The following EPB41L3 variants were observed in gnomAD, a reference collection of about 807,000 sequenced individuals.
EPB41L3 encodes the protein erythrocyte membrane protein band 4.1 like 3.
A neutral mutation model predicts 127.1 loss-of-function variants in EPB41L3; 57 were observed. The observed-to-expected ratio is 0.45, with a 90% CI of 0.36 to 0.56. The LOEUF (loss-of-function observed/expected upper bound fraction) is 0.56. EPB41L3 is among the 20% of genes least tolerant of loss of function. The pLI, the probability that EPB41L3 is intolerant of heterozygous loss-of-function variation, is 0.00. For synonymous variants in EPB41L3, 572 were observed against 549.5 expected, an observed-to-expected ratio of 1.04 and a Z score of -0.57; for missense variants, 1,273 against 1,372.2, an observed-to-expected ratio of 0.93 and a Z score of 1.14.
At chr18:5,473,505 A>T (rs1035014312) in intron 3 of EPB41L3, among the ~76,000 whole-genome samples, 1 of 151,358 alleles carries the variant, frequency 6.6e-6, no homozygotes. Flanking sequence ...CTAAAACAAA[A>T]TCATACTAGA....
Position 5,395,229 on chromosome 18 carries a change from T to C in EPB41L3, c.3073-82A>G, listed in dbSNP as rs2073170518. The C allele has an allele frequency of 4.4e-6, 5 of 1,128,528 alleles. No homozygotes were observed. The South Asian group carries it at 4.9e-5, about 11-fold the overall frequency. 69.9% of individuals were successfully genotyped at this position (1,128,528 alleles called of 1,614,324 possible). ...TTCAGTAGGGGGAAATGGCCGAAGATGCTGACATCATTCACTCTTCGAGAA... is the reference window on the plus strand; with the variant it reads ...TTCAGTAGGGGGAAATGGCCGAAGACGCTGACATCATTCACTCTTCGAGAA... On this transcript the variant is annotated intron_variant, in intron 20 of 22. Coordinates refer to ENST00000341928, the MANE Select transcript of EPB41L3 (RefSeq NM_012307.5).
intron 3 of EPB41L3, among the ~76,000 whole-genome samples, chr18:5,552,413 G>A (rs1246505681): frequency 6.6e-6 from 1 of 152,214 alleles, no homozygotes; most frequent in Admixed American, 6.5e-5. Context: ...TGTGTAATGT[G>A]TAGAAGTTAC....
chr18:5,485,270 C>CA (rs1460191904), intron 2 of EPB41L3, among the ~76,000 whole-genome samples: 1 of 151,766 alleles, frequency 6.6e-6, no homozygotes, highest in Non-Finnish European at 1.5e-5. Context: ...CAATAGATGT[C>CA]AAAAAAGCAT....
At chr18:5,610,729 G>A (rs2144025613) in intron 3 of EPB41L3, among the ~76,000 whole-genome samples, 1 of 152,260 alleles carries the variant, frequency 6.6e-6, no homozygotes, top group Non-Finnish European at 1.5e-5. Flanking sequence ...ACCCAGTTTA[G>A]TTGTGCTACC....
At chr18:5,563,307 A>G (rs1056107495) in intron 3 of EPB41L3, among the ~76,000 whole-genome samples, 2 of 152,208 alleles carry the variant, frequency 1.3e-5, no homozygotes, top group African/African-American at 4.8e-5. Context: ...TCAGGGGAGC[A>G]ACACAGTTCT....
rs900669181 is a variant in EPB41L3 at position 5,426,520 on chromosome 18, T to C, written c.1065+1793A>G. On this transcript the variant is annotated intron_variant, in intron 9 of 22. Coordinates refer to ENST00000341928, the MANE Select transcript of EPB41L3 (RefSeq NM_012307.5). ...CTTATCACATCATGTTTCTAAGTCG[T>C]TGAATTTCATTAAGAAATGTATCAT... Among the ~76,000 whole-genome samples, 14 of 152,334 alleles carry C rather than the reference T, an allele frequency of 9.2e-5. No individual in the cohort carries two copies. In the South Asian group the frequency reaches 1.7e-3, roughly 18 times the overall value.
intron 3 of EPB41L3, among the ~76,000 whole-genome samples, chr18:5,473,016 A>T (rs1300338689): frequency 6.6e-6 from 1 of 152,054 alleles, no homozygotes; most frequent in Non-Finnish European, 1.5e-5. Flanking sequence ...TCCTGGAGGG[A>T]TCTAAATTGT....
upstream of EPB41L3, among the ~76,000 whole-genome samples, chr18:5,547,727 CCT>C (rs2093904114): frequency 6.6e-6 from 1 of 152,182 alleles, no homozygotes; most frequent in African/African-American, 2.4e-5. Context: ...CCCCCATGAA[CCT>C]CTATTCCACC....
At chr18:5,622,082 G>C (rs538838442) in intron 1 of EPB41L3, among the ~76,000 whole-genome samples, 11 of 151,690 alleles carry the variant, frequency 7.3e-5, no homozygotes, top group African/African-American at 2.7e-4. Flanking sequence ...ACATGAAAAA[G>C]GGCAAAAGAA....
At chr18:5,579,608 T>C (rs761193081) in intron 3 of EPB41L3, among the ~76,000 whole-genome samples, 6 of 152,220 alleles carry the variant, frequency 3.9e-5, no homozygotes, top group African/African-American at 9.6e-5. Flanking sequence ...TCTTCCTTTC[T>C]GAACTAGAGA....
intron 16 of EPB41L3, among the ~76,000 whole-genome samples, chr18:5,405,437 G>C (rs1171380143): frequency 6.6e-6 from 1 of 152,144 alleles, no homozygotes; most frequent in Non-Finnish European, 1.5e-5. Context: ...TCTAACAGTA[G>C]ACAGTCAAGT....
intron 3 of EPB41L3, among the ~76,000 whole-genome samples, chr18:5,578,306 G>GT (rs1345057965): frequency 3.3e-5 from 5 of 152,190 alleles, no homozygotes; most frequent in African/African-American, 1.2e-4. Context: ...AATTGTTACT[G>GT]TTAGTGATTA....
At chr18:5,415,677 C>T in intron 13 of EPB41L3, 141 bp downstream of exon 13, 1 of 917,298 alleles carries the variant, frequency 1.1e-6, no homozygotes, top group South Asian at 1.8e-5. Flanking sequence ...GACTCCCCAA[C>T]ACACAGAAAC....
intron 11 of EPB41L3, chr18:5,420,135 G>T: frequency 1.6e-6 from 1 of 615,630 alleles, no homozygotes; most frequent in East Asian, 3.1e-5. Context: ...TAAAATTCGT[G>T]AAATGCTCAT....
chr18:5,394,394 C>G (rs1003669141), intron 22 of EPB41L3: 3 of 299,044 alleles, frequency 1.0e-5, no homozygotes, highest in Non-Finnish European at 1.9e-5. Flanking sequence ...AGAGTGCAGG[C>G]CATGGAATAA....
intron 3 of EPB41L3, among the ~76,000 whole-genome samples, chr18:5,459,174 T>C (rs1028797091): frequency 1.3e-5 from 2 of 152,156 alleles, no homozygotes; most frequent in Non-Finnish European, 2.9e-5. Flanking sequence ...AGAGCATGCC[T>C]TTAGTCCCAA....
At chr18:5,491,326 G>A (rs754805869) in intron 1 of EPB41L3, among the ~76,000 whole-genome samples, 13 of 152,174 alleles carry the variant, frequency 8.5e-5, no homozygotes, top group Admixed American at 1.3e-4. Flanking sequence ...TGTGACGTAA[G>A]GCAGAAATCA....
intron 1 of EPB41L3, among the ~76,000 whole-genome samples, chr18:5,528,006 A>T (rs1258394955): frequency 6.9e-6 from 1 of 144,372 alleles, no homozygotes; most frequent in Non-Finnish European, 1.5e-5. Flanking sequence ...ATAAACATTA[A>T]AAACAATACC....
At chr18:5,518,012 A>C (rs1337014551) in intron 1 of EPB41L3, among the ~76,000 whole-genome samples, 1 of 152,122 alleles carries the variant, frequency 6.6e-6, no homozygotes, top group Non-Finnish European at 1.5e-5. Flanking sequence ...AGCATCCCTT[A>C]GCTAGATGAC....
Sources: gnomAD v4.1 joint callset for allele counts (sites outside exome capture counted in the v4.1 genomes callset) on GRCh38, gnomAD v4.1.1 for gene constraint, MANE v1.5 for transcripts, NCBI Gene and HGNC (gene_info 2026-07-23, HGNC 2026-07-21) for gene names.